The following SERPING1 variants were observed in gnomAD, a reference collection of about 807,000 sequenced individuals.
The protein encoded by SERPING1 is plasma protease C1 inhibitor.
SERPING1 carries 5 observed loss-of-function variants against 34.1 expected under a neutral mutation model. The observed-to-expected ratio is 0.15, with a 90% CI of 0.08 to 0.31. The LOEUF (loss-of-function observed/expected upper bound fraction) is 0.31. Ranked by LOEUF, SERPING1 falls within the 10% of genes least tolerant of loss-of-function variation. The probability of loss-of-function intolerance (pLI) is 1.00; values close to 1 mark genes in which losing one functional copy is unlikely to be tolerated. For synonymous variants in SERPING1, 225 were observed against 242.4 expected (o/e 0.93, Z 0.67); for missense variants, 505 against 609.5 (o/e 0.83, Z 1.81).
intron 7 of SERPING1, among the ~76,000 whole-genome samples, chr11:57,613,617 A>G (rs1484116009): frequency 6.6e-6 from 1 of 152,166 alleles, no homozygotes; most frequent in East Asian, 1.9e-4. Flanking sequence ...TCTGTTTGCT[A>G]CCTTCCTGAC....
In SERPING1 at chr11:57,614,472, C is replaced by G; in HGVS notation, c.1394C>G (p.Ala465Gly). The change falls in exon 8 of 8, where the codon GCC (alanine) becomes GGC (glycine). Residue 465 changes from alanine to glycine, a missense_variant. By Grantham distance (60) the Ala-to-Gly change is moderately conservative. Coordinates refer to ENST00000278407, the MANE Select transcript of SERPING1 (RefSeq NM_000062.3). ...GCTGCAGCCTCCGCCATCTCTGTGG[C>G]CCGCACCCTGCTGGTCTTTGAAGTG... is the stretch of plus-strand genomic sequence containing the variant. ...EAAAASAISV[A>G]RTLLVFEVQQ... 1 of 1,614,084 alleles carries G rather than the reference C, an allele frequency of 6.2e-7. No individual in the cohort carries two copies. The highest frequency in any genetic ancestry group is 1.1e-5 in the South Asian group (1 of 91,084).
rs763269483 is a variant in SERPING1 at position 57,600,046 on chromosome 11, T to C, written c.219T>C (p.Asn73=). 1 of 1,613,970 alleles carries C rather than the reference T, an allele frequency of 6.2e-7. No individual in the cohort carries two copies. The highest frequency in any genetic ancestry group is 2.2e-5 in the East Asian group (1 of 44,866). Residue 73 remains asparagine, a synonymous_variant, in exon 3 of 8, where the codon AAT becomes AAC. Transcript: ENST00000278407. ...TGCCGACAACCAACTCAACAACCAA[T>C]TCAGCCACCAAAATAACAGCTAATA... ...SSLPTTNSTT[N]SATKITANTT...
chr11:57,603,788 G>A (rs1332122388), intron 4 of SERPING1, among the ~76,000 whole-genome samples: 18 of 148,152 alleles, frequency 1.2e-4, no homozygotes, highest in Non-Finnish European at 2.4e-4. Flanking sequence ...GCAGTGAGCC[G>A]AGATTGCGCC....
chr11:57,606,510 C>G lies in SERPING1; in HGVS notation c.992C>G (p.Pro331Arg). 6.2e-7 allele frequency: 1 copy of G among 1,614,180 alleles called. No homozygotes were observed. Among genetic ancestry groups the G allele is most frequent in the Non-Finnish European group, 8.5e-7 (1 of 1,180,024 alleles). ...KVPMMNSKKYPVAHFIDQTLK... is the reference protein window; with the variant it reads ...KVPMMNSKKYRVAHFIDQTLK... Reference sequence around the variant, plus strand: ...CCCATGATGAATAGCAAGAAGTACCCTGTGGCCCATTTCATTGACCAAACT... The same window carrying G: ...CCCATGATGAATAGCAAGAAGTACCGTGTGGCCCATTTCATTGACCAAACT... The change falls in exon 6 of 8, where the codon CCT becomes CGT. Residue 331 changes from proline to arginine, a missense_variant. By Grantham distance (103) the Pro-to-Arg change is moderately radical. Transcript: ENST00000278407.
intron 6 of SERPING1, 113 bp from the exon 7 acceptor site, chr11:57,611,604 C>A: frequency 9.7e-7 from 1 of 1,029,648 alleles, no homozygotes; most frequent in Non-Finnish European, 1.5e-6. Context: ...CTGACTGATG[C>A]TTGTTGAAAT....
At chr11:57,609,377 G>C (rs1209685741) in intron 6 of SERPING1, among the ~76,000 whole-genome samples, 3 of 152,112 alleles carry the variant, frequency 2.0e-5, no homozygotes, top group Non-Finnish European at 2.9e-5. Flanking sequence ...TCAGGAGTTC[G>C]AGACCAGCTT....
At chr11:57,605,722 C>G in intron 4 of SERPING1, 3 of 456,316 alleles carry the variant, frequency 6.6e-6, no homozygotes. Context: ...AAAATCTAGG[C>G]AAATGGAATT....
In SERPING1 at chr11:57,602,126, G is replaced by T. The variant is rs200744842; in HGVS notation, c.642G>T (p.Thr214=). Reference sequence around the variant, plus strand: ...TCCACCAGGCCCTGAAGGGCTTCACGACCAAAGGTGTCACCTCAGTCTCTC... The same window carrying T: ...TCCACCAGGCCCTGAAGGGCTTCACTACCAAAGGTGTCACCTCAGTCTCTC... ...TCVHQALKGF[T]TKGVTSVSQI... is the part of the protein sequence containing the mutation. The change falls in exon 4 of 8, where the codon ACG becomes ACT. Residue 214 remains threonine, a synonymous_variant. Coordinates refer to ENST00000278407, the MANE Select transcript of SERPING1 (RefSeq NM_000062.3). The T allele has an allele frequency of 3.1e-6, 5 of 1,614,194 alleles. No individual in the cohort carries two copies. The highest frequency in any genetic ancestry group is 4.2e-6 in the Non-Finnish European group (5 of 1,180,042).
At chr11:57,606,916 C>T (rs1048100844) in intron 6 of SERPING1, 26 of 487,300 alleles carry the variant, frequency 5.3e-5, no homozygotes, top group Admixed American at 4.7e-4. Context: ...CATACATATA[C>T]ATGTGTAGAC....
In SERPING1 at chr11:57,606,557, T is replaced by C. The variant is rs1266352136; in HGVS notation, c.1029+10T>C. 6.2e-7 allele frequency: 1 copy of C among 1,614,000 alleles called. No individual in the cohort carries two copies. Among genetic ancestry groups the C allele is most frequent in the Admixed American group, 1.7e-5 (1 of 60,018 alleles). ...AACTTTGAAAGCCAAGGTAAGTTCT[T>C]AACCTTTCCTTCTCCTGTTTGAAAC... On this transcript the variant is annotated intron_variant, in intron 6 of 7. Coordinates refer to ENST00000278407, the MANE Select transcript of SERPING1 (RefSeq NM_000062.3).
chr11:57,610,617 C>A (rs1187140234), intron 6 of SERPING1, among the ~76,000 whole-genome samples: 3 of 152,212 alleles, frequency 2.0e-5, no homozygotes, highest in Non-Finnish European at 4.4e-5. Context: ...AATCATAATA[C>A]CATTTAATGA....
rs139743056 is a variant in SERPING1 at position 57,606,601 on chromosome 11, T to A, written c.1029+54T>A. 2.5e-6 allele frequency: 4 copies of A among 1,591,744 alleles called. No homozygotes were observed. In the African/African-American group the frequency reaches 4.0e-5, roughly 16 times the overall value. ...TTGAAACCTACTTGAGTCTCCTGAC[T>A]TTTTTTCTGCTGTAGTCCCATCATT... On this transcript the variant is annotated intron_variant, in intron 6 of 7. Transcript: ENST00000278407.
In SERPING1 at chr11:57,600,345, G is replaced by A. The variant is rs1215435134; in HGVS notation, c.518G>A (p.Ser173Asn). ...ACCAACATGGCCTTTTCCCCATTCA[G>A]CATCGCCAGCCTCCTTACCCAGGTC... ...VETNMAFSPF[S>N]IASLLTQVLL... Residue 173 changes from serine to asparagine, a missense_variant, in exon 3 of 8, where the codon AGC becomes AAC. Transcript: ENST00000278407. 3.1e-6 allele frequency: 5 copies of A among 1,612,518 alleles called. No homozygotes were observed. The highest frequency in any genetic ancestry group is 4.2e-6 in the Non-Finnish European group (5 of 1,180,034).
chr11:57,606,352 C>A, intron 5 of SERPING1, 56 bp from the exon 6 acceptor site: 1 of 1,608,938 alleles, frequency 6.2e-7, no homozygotes, highest in Non-Finnish European at 8.5e-7. Flanking sequence ...GCTTTTAGCT[C>A]CTCTTCATCC....
chr11:57,597,920 G>A (rs1395708895), intron 1 of SERPING1, 198 bp downstream of exon 1: 7 of 297,960 alleles, frequency 2.3e-5, no homozygotes, highest in Non-Finnish European at 3.1e-5. Context: ...CAGCCCCCCA[G>A]GACCTCCCCT....
intron 6 of SERPING1, chr11:57,611,336 T>C (rs1195928468): frequency 3.4e-6 from 1 of 296,476 alleles, no homozygotes; most frequent in Non-Finnish European, 6.5e-6. Context: ...CATCAATAGT[T>C]TTTACAGAGG....
intron 3 of SERPING1, among the ~76,000 whole-genome samples, chr11:57,600,938 G>A (rs1461673876): frequency 7.4e-6 from 1 of 134,936 alleles, no homozygotes; most frequent in African/African-American, 2.8e-5. Flanking sequence ...GTGACAGAGC[G>A]AGACTCTGTC....
chr11:57,598,788 G>C (rs1233575626), intron 2 of SERPING1, among the ~76,000 whole-genome samples: 1 of 152,118 alleles, frequency 6.6e-6, no homozygotes, highest in Non-Finnish European at 1.5e-5. Flanking sequence ...GTGAAGACAG[G>C]GAAGAATGGT....
chr11:57,607,993 A>G lies in SERPING1; in HGVS notation c.1029+1446A>G, dbSNP rs559466194. ...ATTTTTGACCATTCTTTGCTCAGTT[A>G]TTTATCCACTCATGGACTTATCCAC... On this transcript the variant is annotated intron_variant, in intron 6 of 7. Coordinates refer to ENST00000278407, the MANE Select transcript of SERPING1 (RefSeq NM_000062.3). Among the ~76,000 whole-genome samples the G allele has an allele frequency of 2.6e-5, 4 of 152,206 alleles. No homozygotes were observed. In the South Asian group the frequency reaches 6.2e-4, roughly 24 times the overall value.
Sources: gnomAD v4.1 joint callset for allele counts (sites outside exome capture counted in the v4.1 genomes callset) on GRCh38, gnomAD v4.1.1 for gene constraint, MANE v1.5 for transcripts, NCBI Gene and HGNC (gene_info 2026-07-23, HGNC 2026-07-21) for gene names.